EIF4A3: variants seen among roughly 807,000 people sequenced by gnomAD.
EIF4A3 encodes the protein eukaryotic initiation factor 4A-III.
EIF4A3 carries 1 observed loss-of-function variant against 55.6 expected under a neutral mutation model. That is an observed-to-expected ratio of 0.02 (90% confidence interval 0.01 to 0.09). The LOEUF (loss-of-function observed/expected upper bound fraction) is 0.09. EIF4A3 is among the 10% of genes least tolerant of loss of function. The probability of loss-of-function intolerance (pLI) is 1.00; values close to 1 mark genes in which losing one functional copy is unlikely to be tolerated. For synonymous variants in EIF4A3, 194 were observed against 196.3 expected (o/e 0.99, Z 0.10); for missense variants, 221 against 540.7 (o/e 0.41, Z 5.86).
At chr17:80,141,224 A>G in intron 4 of EIF4A3, 95 bp downstream of exon 4, 1 of 1,326,024 alleles carries the variant, frequency 7.5e-7, no homozygotes, top group East Asian at 2.3e-5. Context: ...GGTATCAGAA[A>G]ACAGGATTGG....
At position 80,141,835 on chromosome 17, in the gene EIF4A3, T is replaced by C; in HGVS notation, c.256A>G (p.Thr86Ala). Reference sequence around the variant, plus strand: ...ATACTGAAGGTGGCTGTTTTTCCTGTGCCGGACTGAGACCTATTCAAGGAA... The same window carrying C: ...ATACTGAAGGTGGCTGTTTTTCCTGCGCCGGACTGAGACCTATTCAAGGAA... ...RDVIAQSQSG[T>A]GKTATFSISV... Residue 86 changes from threonine (T) to alanine (A), a missense_variant, in exon 3 of 12, where the codon ACA becomes GCA. Transcript: ENST00000649764. 6.2e-7 allele frequency: 1 copy of C among 1,614,112 alleles called. No individual in the cohort carries two copies. The highest frequency in any genetic ancestry group is 8.5e-7 in the Non-Finnish European group (1 of 1,179,968).
chr17:80,144,598 A>G (rs772650591), intron 1 of EIF4A3, among the ~76,000 whole-genome samples: 1 of 152,068 alleles, frequency 6.6e-6, no homozygotes. Flanking sequence ...GGGTGGAAAG[A>G]AACTTACTTT....
intron 4 of EIF4A3, 105 bp downstream of exon 4, chr17:80,141,214 G>T: frequency 8.4e-7 from 1 of 1,191,752 alleles, no homozygotes. Context: ...AAAATTTTGA[G>T]GTATCAGAAA....
chr17:80,144,068 C>T lies in EIF4A3; in HGVS notation c.242+104G>A, dbSNP rs146415375. On this transcript the variant is annotated intron_variant, in intron 2 of 11. Transcript: ENST00000649764. ...GCTAAAGTCAGGGAAAGTGTTGGAA[C>T]TGAGCGTGTACAAGCTGAGGGAAAC... 102 of 1,083,414 alleles carry T rather than the reference C, an allele frequency of 9.4e-5. No homozygotes were observed. In the East Asian group the frequency reaches 2.2e-3, roughly 24 times the overall value. The allele number at this position is 1,083,414 out of a possible 1,614,324, so 67.1% of individuals were successfully genotyped here.
intron 11 of EIF4A3, 153 bp from the exon 12 acceptor site, chr17:80,135,659 G>A: frequency 1.5e-6 from 1 of 680,870 alleles, no homozygotes; most frequent in Non-Finnish European, 2.5e-6. Context: ...ACTTTGGGAG[G>A]CTGAGGTGGG....
chr17:80,135,333 C>T lies in EIF4A3; in HGVS notation c.*157G>A. On this transcript the variant is annotated 3_prime_UTR_variant, in exon 12 of 12. Coordinates refer to ENST00000649764, the MANE Select transcript of EIF4A3 (RefSeq NM_014740.4). The stretch of plus-strand genomic sequence containing the variant: ...TTTACATGTAAATAAGAAAAGAGAG[C>T]AGAATCCCCATATCCTCTTCAAAGG... 1.5e-6 allele frequency: 1 copy of T among 673,988 alleles called. No individual in the cohort carries two copies. The highest frequency in any genetic ancestry group is 2.4e-6 in the Non-Finnish European group (1 of 423,024). The allele number at this position is 673,988 out of a possible 1,614,324, so 41.8% of individuals were successfully genotyped here. A position where few individuals can be genotyped will look rare whatever the true frequency, so the allele number is the denominator to read the frequency against.
rs1399638505 is a variant in EIF4A3, at chr17:80,135,850, G to A, written c.1219+154C>T. Reference sequence around the variant, plus strand: ...GCAGAGGTTGCAGTGAGCCGAAATCGCGCCACTGCACTCCAGCCTGGGTGA... The same window carrying A: ...GCAGAGGTTGCAGTGAGCCGAAATCACGCCACTGCACTCCAGCCTGGGTGA... On this transcript the variant is annotated intron_variant, in intron 11 of 11. Transcript: ENST00000649764. 1.8e-5 allele frequency: 18 copies of A among 972,988 alleles called. 1 individual carries two copies. The highest frequency in any genetic ancestry group is 3.3e-4 in the Middle Eastern group (1 of 3,046). 60.3% of individuals were successfully genotyped at this position (972,988 alleles called of 1,614,324 possible).
At chr17:80,135,623 T>C (rs1345921239) in intron 11 of EIF4A3, 117 bp from the exon 12 acceptor site, 9 of 909,506 alleles carry the variant, frequency 9.9e-6, no homozygotes, top group Admixed American at 2.4e-5. Flanking sequence ...AGGCCAGACA[T>C]AGTGGCTCAC....
rs753725743 is a variant in EIF4A3, at chr17:80,146,952, T to C, written c.10A>G (p.Thr4Ala). 13 of 1,606,148 alleles carry C rather than the reference T, an allele frequency of 8.1e-6. No homozygotes were observed. The highest frequency in any genetic ancestry group is 1.1e-5 in the Non-Finnish European group (13 of 1,177,894). Residue 4 changes from threonine to alanine, a missense_variant, in exon 1 of 12, where the codon ACG becomes GCG. Physicochemically the swap from Thr to Ala is moderately conservative, Grantham distance 58 (BLOSUM62 0). Coordinates refer to ENST00000649764, the MANE Select transcript of EIF4A3 (RefSeq NM_014740.4). ...GAGCCCGAGGTCGCCATCGTGGCCG[T>C]GGTCGCCATGATTCAGAGTCCGCGG... MATTATMATSGSAR... is the reference protein window; with the variant it reads MATAATMATSGSAR...
Position 80,139,750 on chromosome 17 carries a change from T to TCAAAAACACGCC in EIF4A3, c.506-1_506insGGCGTGTTTTTG (p.Gly165_Phe168dup), listed in dbSNP as rs1385061103. 1.2e-6 allele frequency: 2 copies of TCAAAAACACGCC among 1,612,910 alleles called. No homozygotes were observed. Among genetic ancestry groups the TCAAAAACACGCC allele is most frequent in the South Asian group, 2.2e-5 (2 of 90,720 alleles). On this transcript the variant is annotated inframe_insertion and splice_region_variant. Transcript: ENST00000649764. ...CCTTAGGCTTCTGCGACGAATCATA[T>TCAAAAACACGCC]CTATAACATGAGATTTTGAAATACT...
intron 11 of EIF4A3, 50 bp downstream of exon 11, chr17:80,135,951 TAAG>T: frequency 1.3e-6 from 2 of 1,569,484 alleles, no homozygotes; most frequent in South Asian, 2.4e-5. Context: ...TGCCCCAAAC[TAAG>T]AATAGGGAAG....
At chr17:80,141,603 AATC>A (rs2143995426) in intron 3 of EIF4A3, 176 bp downstream of exon 3, 2 of 735,884 alleles carry the variant, frequency 2.7e-6, no homozygotes, top group East Asian at 5.4e-5. Context: ...TTAAATAGAA[AATC>A]ATGACAGAAT....
chr17:80,138,936 T>C, intron 7 of EIF4A3, 85 bp downstream of exon 7: 1 of 1,556,312 alleles, frequency 6.4e-7, no homozygotes, highest in Non-Finnish European at 8.7e-7. Flanking sequence ...AGACTCTGGC[T>C]ATAAAAAGTT....
At chr17:80,146,753 ACTCGCCCCCGG>A (rs761715918) in intron 1 of EIF4A3, 29 bp downstream of exon 1, 81 of 1,585,452 alleles carry the variant, frequency 5.1e-5, no homozygotes, top group East Asian at 3.0e-4. Context: ...CTCGCCCCCG[ACTCGCCCCCGG>A]CTGGCCCCCG....
At chr17:80,146,611 G>A (rs1029943661) in intron 1 of EIF4A3, among the ~76,000 whole-genome samples, 182 bp downstream of exon 1, 1 of 152,160 alleles carries the variant, frequency 6.6e-6, no homozygotes, top group African/African-American at 2.4e-5. Flanking sequence ...CGCCGACACA[G>A]CCAGGCGTGA....
chr17:80,139,357 T>C (rs915161033), intron 6 of EIF4A3, 195 bp from the exon 7 acceptor site: 5 of 732,246 alleles, frequency 6.8e-6, no homozygotes, highest in Admixed American at 3.1e-5. Context: ...CGGAGTGTTA[T>C]CTGGTTGAGG....
In EIF4A3 at chr17:80,135,396, T is replaced by A. The variant is rs1462909867; in HGVS notation, c.*94A>T. 9 of 1,448,980 alleles carry A rather than the reference T, an allele frequency of 6.2e-6. No homozygotes were observed. The highest frequency in any genetic ancestry group is 8.3e-6 in the Non-Finnish European group (9 of 1,086,564). 89.8% of individuals were successfully genotyped at this position (1,448,980 alleles called of 1,614,324 possible). ...AGGCCATTTATGAGAAGAAAGTCCATATAAACCCCATTAAGTAGAATCTGG... is the reference window on the plus strand; with the variant it reads ...AGGCCATTTATGAGAAGAAAGTCCAAATAAACCCCATTAAGTAGAATCTGG... On this transcript the variant is annotated 3_prime_UTR_variant, in exon 12 of 12. Coordinates refer to ENST00000649764, the MANE Select transcript of EIF4A3 (RefSeq NM_014740.4).
At chr17:80,136,720 C>T (rs1159888628) in intron 9 of EIF4A3, 2 of 182,072 alleles carry the variant, frequency 1.1e-5, no homozygotes, top group Non-Finnish European at 2.3e-5. Flanking sequence ...AATCCCAGCA[C>T]TGCCAGAGGC....
In EIF4A3 at chr17:80,136,150, A is replaced by G. The variant is rs369311131; in HGVS notation, c.1092-19T>C. 1.2e-6 allele frequency: 2 copies of G among 1,613,968 alleles called. No homozygotes were observed. Among genetic ancestry groups the G allele is most frequent in the African/African-American group, 2.7e-5 (2 of 75,030 alleles). ...CCCAATTCTTCAGGAATAAAATAATATTACAGTTAGTATATATAACAATCA... is the reference window on the plus strand; with the variant it reads ...CCCAATTCTTCAGGAATAAAATAATGTTACAGTTAGTATATATAACAATCA... On this transcript the variant is annotated intron_variant, in intron 10 of 11. Transcript: ENST00000649764.
Sources: gnomAD v4.1 joint callset for allele counts (sites outside exome capture counted in the v4.1 genomes callset) on GRCh38, gnomAD v4.1.1 for gene constraint, MANE v1.5 for transcripts, NCBI Gene and HGNC (gene_info 2026-07-23, HGNC 2026-07-21) for gene names.